C2CD3: variants seen among roughly 807,000 people sequenced by gnomAD.
The protein encoded by C2CD3 is C2 domain-containing protein 3.
C2CD3 carries 148 observed loss-of-function variants against 234.0 expected under a neutral mutation model. The ratio of observed to expected loss-of-function variants is 0.63; its 90% confidence interval spans 0.55 to 0.72. The LOEUF is 0.72. Among genes scored for constraint, C2CD3 ranks in the 30% least tolerant of loss-of-function variants. The probability of loss-of-function intolerance (pLI) is 0.00; values close to 1 mark genes in which losing one functional copy is unlikely to be tolerated. For synonymous variants in C2CD3, 1,000 were observed against 1,035.4 expected, an observed-to-expected ratio of 0.97 and a Z score of 0.66; for missense variants, 2,577 against 2,811.5, an observed-to-expected ratio of 0.92 and a Z score of 1.89.
intron 8 of C2CD3, among the ~76,000 whole-genome samples, chr11:74,119,720 C>G (rs1398902958): frequency 6.6e-6 from 1 of 151,294 alleles, no homozygotes; most frequent in Non-Finnish European, 1.5e-5. Context: ...ACTGCAACCT[C>G]TGCCTCCCAG....
Position 74,034,096 on chromosome 11 carries a change from G to C in C2CD3, c.6064C>G (p.Pro2022Ala), listed in dbSNP as rs998346040. The change falls in exon 31 of 33, where the codon CCT becomes GCT. Residue 2022 changes from proline (P) to alanine (A), a missense_variant. Transcript: ENST00000334126. Reference protein sequence around the residue: ...PDKGTDSPSPPPLEETSNGGR... With the variant: ...PDKGTDSPSPAPLEETSNGGR... ...CCATTTGAAGTCTCTTCGAGAGGAG[G>C]GGGTGATGGGGAATCTGTGCCTTTA... The C allele has an allele frequency of 5.9e-6, 9 of 1,536,034 alleles. No homozygotes were observed. The highest frequency in any genetic ancestry group is 5.5e-5 in the African/African-American group (4 of 72,992).
Position 74,103,663 on chromosome 11 carries a change from C to G in C2CD3, c.2086-38G>C, listed in dbSNP as rs191767888. Reference sequence around the variant, plus strand: ...AAAGGAGAAGAGTCAATAAGAATGTCCTTTAGAATTGGAATTAGAATTTTG... The same window carrying G: ...AAAGGAGAAGAGTCAATAAGAATGTGCTTTAGAATTGGAATTAGAATTTTG... On this transcript the variant is annotated intron_variant, in intron 13 of 32. Coordinates refer to ENST00000334126, the MANE Select transcript of C2CD3 (RefSeq NM_001286577.2). 6.5e-6 allele frequency: 10 copies of G among 1,545,382 alleles called. No homozygotes were observed. The Admixed American group carries it at 2.0e-4, about 31-fold the overall frequency.
At chr11:74,079,165 G>C (rs1323809164) in intron 22 of C2CD3, among the ~76,000 whole-genome samples, 1 of 152,152 alleles carries the variant, frequency 6.6e-6, no homozygotes, top group South Asian at 2.1e-4. Context: ...AAAGAGATCT[G>C]GGGTCTAGAC....
At chr11:74,082,175 T>C (rs564925064) in intron 22 of C2CD3, among the ~76,000 whole-genome samples, 2 of 148,772 alleles carry the variant, frequency 1.3e-5, no homozygotes, top group South Asian at 4.2e-4. Flanking sequence ...CAGGCTGGAG[T>C]GCAGTGGTGC....
At chr11:74,015,392 A>G (rs998155101) in intron 32 of C2CD3, among the ~76,000 whole-genome samples, 1 of 152,204 alleles carries the variant, frequency 6.6e-6, no homozygotes, top group African/African-American at 2.4e-5. Flanking sequence ...CTCAGGCTCT[A>G]TGTAGCACTT....
chr11:74,084,602 T>C (rs372436019), intron 22 of C2CD3, among the ~76,000 whole-genome samples: 18 of 152,050 alleles, frequency 1.2e-4, no homozygotes, highest in African/African-American at 4.3e-4. Flanking sequence ...TCAGGACTTC[T>C]CCATCTATAA....
At chr11:74,054,584 T>C in intron 26 of C2CD3, 23 bp downstream of exon 26, 1 of 1,394,814 alleles carries the variant, frequency 7.2e-7, no homozygotes, top group Non-Finnish European at 1.0e-6. Context: ...AGCAAGCAGA[T>C]ATTCTTTTAA....
At chr11:74,135,548 T>C (rs1222324615) in intron 5 of C2CD3, among the ~76,000 whole-genome samples, 2 of 152,178 alleles carry the variant, frequency 1.3e-5, no homozygotes, top group Non-Finnish European at 2.9e-5. Context: ...GATATGATAG[T>C]CAGAGATGTG....
At chr11:74,131,322 CAA>C (rs60280021) in intron 7 of C2CD3, among the ~76,000 whole-genome samples, 7 of 100,854 alleles carry the variant, frequency 6.9e-5, no homozygotes, top group Admixed American at 1.1e-4. Flanking sequence ...GACTCGGTCT[CAA>C]AAAAAAAAAA....
intron 15 of C2CD3, 37 bp from the exon 16 acceptor site, chr11:74,098,292 G>C (rs144003977): frequency 1.3e-6 from 2 of 1,599,354 alleles, no homozygotes; most frequent in East Asian, 2.2e-5. Flanking sequence ...CAAATAACAA[G>C]CATCAATCAT....
Position 74,033,372 on chromosome 11 carries a change from G to T in C2CD3, c.6788C>A (p.Ser2263Tyr). The T allele has an allele frequency of 6.5e-7, 1 of 1,535,982 alleles. No homozygotes were observed. The highest frequency in any genetic ancestry group is 1.2e-5 in the South Asian group (1 of 84,048). Reference protein sequence around the residue: ...QRQVTTGSETSTKQSLLLPGP... With the variant: ...QRQVTTGSETYTKQSLLLPGP... ...ATACAGCAGGAGGCTCTGCTTTGTG[G>T]ACGTCTCTGATCCAGTTGTCACCTG... is the stretch of plus-strand genomic sequence containing the variant. Residue 2263 changes from serine to tyrosine, a missense_variant, in exon 31 of 33, where the codon TCC becomes TAC. Coordinates refer to ENST00000334126, the MANE Select transcript of C2CD3 (RefSeq NM_001286577.2).
At chr11:74,100,495 A>AT (rs1341365725) in intron 15 of C2CD3, 30 bp downstream of exon 15, 2 of 1,583,714 alleles carry the variant, frequency 1.3e-6, no homozygotes, top group Non-Finnish European at 1.7e-6. Flanking sequence ...AAGATGCACA[A>AT]TAAAGAATAC....
chr11:74,079,653 T>C (rs1955242097), intron 22 of C2CD3, among the ~76,000 whole-genome samples: 1 of 151,868 alleles, frequency 6.6e-6, no homozygotes, highest in African/African-American at 2.4e-5. Flanking sequence ...GAATAATCCT[T>C]ACTTTACAGA....
At chr11:74,142,244 T>C (rs1854856063) in intron 3 of C2CD3, 1 of 152,230 alleles carries the variant, frequency 6.6e-6, no homozygotes, top group African/African-American at 2.4e-5. Flanking sequence ...TACAGATCTC[T>C]CTCTGTTTGC....
intron 3 of C2CD3, among the ~76,000 whole-genome samples, chr11:74,155,638 G>A (rs1855961639): frequency 6.6e-6 from 1 of 152,016 alleles, no homozygotes; most frequent in African/African-American, 2.4e-5. Context: ...AAAGCCAATC[G>A]CAAAAGGCCA....
At chr11:74,167,556 T>G (rs527821317) in intron 2 of C2CD3, among the ~76,000 whole-genome samples, 2 of 152,232 alleles carry the variant, frequency 1.3e-5, no homozygotes, top group African/African-American at 4.8e-5. Flanking sequence ...CTCGAGAGAA[T>G]GTAAGTTACT....
At chr11:74,104,619 A>G (rs574921882) in intron 13 of C2CD3, among the ~76,000 whole-genome samples, 2 of 152,266 alleles carry the variant, frequency 1.3e-5, no homozygotes, top group Admixed American at 6.5e-5. Context: ...GAGTCTCAGT[A>G]AAGGGTATAA....
rs1034714281 is a variant in C2CD3 at position 74,034,253 on chromosome 11, C to A, written c.5907G>T (p.Ser1969=). ...CTCGGTGAGAACTCAAAGCTGCTTG[C>A]GAATCCCTGGTGATAGTCTGCAGAT... The part of the protein sequence containing the change: ...ITDLQTITRD[S]QAALSSHRAR... The change falls in exon 31 of 33, where the codon TCG becomes TCT. Residue 1969 remains serine, a synonymous_variant. Transcript: ENST00000334126. 2 of 1,535,690 alleles carry A rather than the reference C, an allele frequency of 1.3e-6. No homozygotes were observed. Among genetic ancestry groups the A allele is most frequent in the African/African-American group, 1.4e-5 (1 of 72,994 alleles).
intron 8 of C2CD3, among the ~76,000 whole-genome samples, chr11:74,121,243 C>A (rs1425859369): frequency 6.6e-6 from 1 of 152,124 alleles, no homozygotes; most frequent in Non-Finnish European, 1.5e-5. Flanking sequence ...TTGTACTTAA[C>A]CTCTTTAAGC....
Sources: gnomAD v4.1 joint callset for allele counts (sites outside exome capture counted in the v4.1 genomes callset) on GRCh38, gnomAD v4.1.1 for gene constraint, MANE v1.5 for transcripts, NCBI Gene and HGNC (gene_info 2026-07-23, HGNC 2026-07-21) for gene names.